The following SZRD1 variants were observed in gnomAD, a reference collection of about 807,000 sequenced individuals.
The protein encoded by SZRD1 is SUZ RNA binding domain containing 1, also known as SUZ RNA-binding domain-containing.
SZRD1 carries 7 observed loss-of-function variants against 17.6 expected under a neutral mutation model. That is an observed-to-expected ratio of 0.40 (90% CI 0.23 to 0.75). SZRD1 has a LOEUF of 0.75. SZRD1 is among the 30% of genes least tolerant of loss of function. The pLI, the probability that SZRD1 is intolerant of heterozygous loss-of-function variation, is 0.38. For missense variants in SZRD1, 178 were observed against 201.8 expected, an observed-to-expected ratio of 0.88 and a Z score of 0.71; for synonymous variants, 77 against 77.9, an observed-to-expected ratio of 0.99 and a Z score of 0.06.
In SZRD1 at chr1:16,393,489, G is replaced by A; in HGVS notation, c.356+7G>A. The A allele has an allele frequency of 6.2e-7, 1 of 1,603,698 alleles. No individual in the cohort carries two copies. Among genetic ancestry groups the A allele is most frequent in the Non-Finnish European group, 8.5e-7 (1 of 1,175,928 alleles). On this transcript the variant is annotated splice_region_variant and intron_variant, in intron 3 of 3. Coordinates refer to ENST00000401088, the MANE Select transcript of SZRD1 (RefSeq NM_001114600.3). The surrounding 1 kb of genome is among the most constrained non-coding windows in gnomAD (Gnocchi z 5.6). Reference sequence around the variant, plus strand: ...AGAAACCCATCCTCGACAGGTGAGTGTGGCTGGCAGGGCCGGCCAGTGATG... The same window carrying A: ...AGAAACCCATCCTCGACAGGTGAGTATGGCTGGCAGGGCCGGCCAGTGATG...
intron 1 of SZRD1, among the ~76,000 whole-genome samples, chr1:16,379,833 T>C (rs2083067589): frequency 6.7e-6 from 1 of 148,934 alleles, no homozygotes. Flanking sequence ...CAGTCTTGGC[T>C]CACTGCAACC....
chr1:16,394,119 C>T (rs926156817), intron 3 of SZRD1, among the ~76,000 whole-genome samples: 1 of 152,138 alleles, frequency 6.6e-6, no homozygotes, highest in Non-Finnish European at 1.5e-5. Flanking sequence ...TTAAGATGGC[C>T]TCCTTCTAAC....
chr1:16,375,367 G>A (rs2082983959), intron 1 of SZRD1, among the ~76,000 whole-genome samples: 1 of 151,790 alleles, frequency 6.6e-6, no homozygotes. Flanking sequence ...CCAGGCTAGA[G>A]TGCAGTGGCG....
In SZRD1 at chr1:16,367,266, TGAG is replaced by T. The variant is rs1252253724; in HGVS notation, c.14_16del (p.Glu5del). The T allele has an allele frequency of 1.0e-5, 16 of 1,548,000 alleles. No individual in the cohort carries two copies. Among genetic ancestry groups the T allele is most frequent in the Admixed American group, 2.0e-5 (1 of 50,932 alleles). On this transcript the variant is annotated inframe_deletion, in exon 1 of 4. Coordinates refer to ENST00000401088, the MANE Select transcript of SZRD1 (RefSeq NM_001114600.3). ...GGAAAGCGGCGAGTAAGATGGAAGA[TGAG>T]GAGGTCGCTGAGAGCTGGGAAGAGG...
rs1314292998 is a variant in SZRD1 at position 16,396,265 on chromosome 1, C to T, written c.*1125C>T. 2.0e-5 allele frequency: 3 copies of T among 152,350 alleles called. No homozygotes were observed. Among genetic ancestry groups the T allele is most frequent in the Non-Finnish European group, 4.4e-5 (3 of 68,144 alleles). 9.4% of individuals were successfully genotyped at this position (152,350 alleles called of 1,614,324 possible). A position where few individuals can be genotyped will look rare whatever the true frequency, so the allele number is the denominator to read the frequency against. On this transcript the variant is annotated 3_prime_UTR_variant, in exon 4 of 4. Coordinates refer to ENST00000401088, the MANE Select transcript of SZRD1 (RefSeq NM_001114600.3). The stretch of plus-strand genomic sequence containing the variant: ...TGAACTCTTAGGGGTCTGCAGTGCT[C>T]CATCTCCATTGGTGGCCCCAGCTCA...
chr1:16,392,593 C>T (rs1201107298), intron 2 of SZRD1, among the ~76,000 whole-genome samples: 1 of 152,200 alleles, frequency 6.6e-6, no homozygotes, highest in Admixed American at 6.5e-5. Context: ...CCAGGGAGCC[C>T]TGGCAAGGGA....
rs952412312 is a variant in SZRD1, at chr1:16,374,457, C to T, written c.51+7149C>T. ...GCTGCATGGGAGGGCCTGTTCCCAG[C>T]GTGCTCTGGGTATCAAGAGAGCTGC... On this transcript the variant is annotated intron_variant, in intron 1 of 3. Transcript: ENST00000401088. Among the ~76,000 whole-genome samples the T allele has an allele frequency of 3.9e-5, 6 of 152,328 alleles. No individual in the cohort carries two copies. In the East Asian group the frequency reaches 5.8e-4, roughly 15 times the overall value.
In SZRD1 at chr1:16,395,326, C is replaced by T. The variant is rs1027333768; in HGVS notation, c.*186C>T. 4.7e-6 allele frequency: 3 copies of T among 634,804 alleles called. No individual in the cohort carries two copies. Among genetic ancestry groups the T allele is most frequent in the Admixed American group, 2.3e-5 (1 of 42,682 alleles). The allele number at this position is 634,804 out of a possible 1,614,324, so 39.3% of individuals were successfully genotyped here. A position where few individuals can be genotyped will look rare whatever the true frequency, so the allele number is the denominator to read the frequency against. On this transcript the variant is annotated 3_prime_UTR_variant, in exon 4 of 4. Transcript: ENST00000401088. ...CCCATGCACTGTGACCTCCCCCCTT[C>T]TCCCCCTTCCCACTGTGATTGGCAC...
At chr1:16,371,904 T>C (rs1428159897) in intron 1 of SZRD1, among the ~76,000 whole-genome samples, 1 of 151,946 alleles carries the variant, frequency 6.6e-6, no homozygotes, top group Admixed American at 6.6e-5. Context: ...AAAAAGAAAA[T>C]TTTTTTGTAG....
intron 2 of SZRD1, among the ~76,000 whole-genome samples, chr1:16,392,837 C>A (rs1389793204): frequency 6.6e-6 from 1 of 152,210 alleles, no homozygotes; most frequent in Non-Finnish European, 1.5e-5. Context: ...CCAGCCAGTC[C>A]TACTCTGATC....
At chr1:16,367,359 G>A (rs1461913846) in intron 1 of SZRD1, 51 bp downstream of exon 1, 2 of 1,507,844 alleles carry the variant, frequency 1.3e-6, no homozygotes, top group Non-Finnish European at 1.8e-6. Flanking sequence ...CCTGGCGTGA[G>A]GGGAGCCTCC....
chr1:16,369,385 A>G (rs2082873975), intron 1 of SZRD1: 3 of 1,003,780 alleles, frequency 3.0e-6, no homozygotes. Context: ...TTTTCCGTTC[A>G]CTTTGATCCT....
intron 1 of SZRD1, among the ~76,000 whole-genome samples, chr1:16,386,539 G>A (rs1434703395): frequency 6.6e-6 from 1 of 152,172 alleles, no homozygotes; most frequent in African/African-American, 2.4e-5. Context: ...CAGATTGATT[G>A]CAAGGCCTTG....
At chr1:16,388,667 A>G (rs1488997416) in intron 1 of SZRD1, among the ~76,000 whole-genome samples, 1 of 151,408 alleles carries the variant, frequency 6.6e-6, no homozygotes, top group Admixed American at 6.6e-5. Flanking sequence ...AACTTACTAG[A>G]AAGAATAAGT....
chr1:16,395,377 T>G lies in SZRD1; in HGVS notation c.*237T>G. 1.9e-6 allele frequency: 1 copy of G among 528,208 alleles called. No homozygotes were observed. The highest frequency in any genetic ancestry group is 2.0e-5 in the South Asian group (1 of 49,404). The allele number at this position is 528,208 out of a possible 1,614,324, so 32.7% of individuals were successfully genotyped here. A position where few individuals can be genotyped will look rare whatever the true frequency, so the allele number is the denominator to read the frequency against. ...ATCGACAAGGGCTGTCCCAAGTCAA[T>G]GGAAAGGGAAAGGGTGGGGGTTAGG... On this transcript the variant is annotated 3_prime_UTR_variant, in exon 4 of 4. Transcript: ENST00000401088.
chr1:16,398,099 T>G lies in SZRD1; in HGVS notation c.*2959T>G. ...ACCGCGGGCTCCTGAGTCGGCAGAT[T>G]AAGCATTTTATAAATTGTATTTTAA... On this transcript the variant is annotated 3_prime_UTR_variant, in exon 4 of 4. Coordinates refer to ENST00000401088, the MANE Select transcript of SZRD1 (RefSeq NM_001114600.3). The G allele has an allele frequency of 1.4e-6, 1 of 725,414 alleles. No homozygotes were observed. Among genetic ancestry groups the G allele is most frequent in the Non-Finnish European group, 1.7e-6 (1 of 592,662 alleles). The allele number at this position is 725,414 out of a possible 1,614,324, so 44.9% of individuals were successfully genotyped here. A position where few individuals can be genotyped will look rare whatever the true frequency, so the allele number is the denominator to read the frequency against.
chr1:16,367,768 C>T (rs1207804347), intron 1 of SZRD1: 2 of 166,664 alleles, frequency 1.2e-5, no homozygotes, highest in Non-Finnish European at 2.6e-5. Context: ...AGGAGGCAGC[C>T]GAGGGCGGGG....
chr1:16,380,674 G>C (rs1417117736), intron 1 of SZRD1, among the ~76,000 whole-genome samples: 1 of 152,116 alleles, frequency 6.6e-6, no homozygotes, highest in Non-Finnish European at 1.5e-5. Context: ...CTCCATGTTG[G>C]TCAGGCTGGT....
intron 1 of SZRD1, among the ~76,000 whole-genome samples, chr1:16,370,066 G>A (rs1044700800): frequency 2.6e-5 from 4 of 152,148 alleles, no homozygotes; most frequent in African/African-American, 7.2e-5. Context: ...GGTTTCGAGA[G>A]TAACCTGTTT....
Sources: gnomAD v4.1 joint callset for allele counts (sites outside exome capture counted in the v4.1 genomes callset) on GRCh38, gnomAD v4.1.1 for gene constraint, Gnocchi (gnomAD v3.1) non-coding constraint, MANE v1.5 for transcripts, NCBI Gene and HGNC (gene_info 2026-07-23, HGNC 2026-07-21) for gene names.